CDH17: variants seen among roughly 807,000 people sequenced by gnomAD.
The protein encoded by CDH17 is cadherin 17, also known as cadherin-17.
A neutral mutation model predicts 86.3 loss-of-function variants in CDH17; 67 were observed. That is an observed-to-expected ratio of 0.78 (90% CI 0.64 to 0.95). The LOEUF (loss-of-function observed/expected upper bound fraction) is 0.95. Among genes scored for constraint, CDH17 ranks in the 40% least tolerant of loss-of-function variants. The probability of loss-of-function intolerance (pLI) is 0.00; values close to 1 mark genes in which losing one functional copy is unlikely to be tolerated. For missense variants in CDH17, 993 were observed against 1,017.6 expected (o/e 0.98, Z 0.33); for synonymous variants, 367 against 366.4 (o/e 1.00, Z -0.02).
At chr8:94,168,463 G>A (rs2130632885) in intron 9 of CDH17, among the ~76,000 whole-genome samples, 1 of 151,614 alleles carries the variant, frequency 6.6e-6, no homozygotes, top group Middle Eastern at 3.4e-3. Context: ...TTTTATCAAG[G>A]TTTTATTTGT....
chr8:94,137,318 C>G (rs569730697), intron 15 of CDH17, among the ~76,000 whole-genome samples: 2 of 152,106 alleles, frequency 1.3e-5, no homozygotes, highest in African/African-American at 4.8e-5. Flanking sequence ...GCTTCCCAGC[C>G]GCTTTACCTA....
At chr8:94,169,782 A>G (rs892578877) in intron 9 of CDH17, among the ~76,000 whole-genome samples, 6 of 152,238 alleles carry the variant, frequency 3.9e-5, no homozygotes, top group African/African-American at 1.4e-4. Context: ...AGTTGTTCCT[A>G]TACAAAAACT....
intron 2 of CDH17, among the ~76,000 whole-genome samples, chr8:94,194,309 C>G (rs892775670): frequency 3.0e-4 from 45 of 152,198 alleles, no homozygotes; most frequent in Admixed American, 1.7e-3. Flanking sequence ...TTAAGGGACA[C>G]AGACTAATTC....
At chr8:94,199,711 C>T (rs1010810371) in intron 1 of CDH17, among the ~76,000 whole-genome samples, 5 of 152,124 alleles carry the variant, frequency 3.3e-5, no homozygotes, top group African/African-American at 4.8e-5. Context: ...CATTGCCACA[C>T]GTAGGGTGCC....
At chr8:94,182,420 A>G (rs1454239973) in intron 3 of CDH17, among the ~76,000 whole-genome samples, 1 of 152,172 alleles carries the variant, frequency 6.6e-6, no homozygotes, top group African/African-American at 2.4e-5. Flanking sequence ...AGTATTATAT[A>G]CCATTACCAA....
chr8:94,204,191 T>C (rs1425330636), intron 1 of CDH17, among the ~76,000 whole-genome samples: 1 of 152,076 alleles, frequency 6.6e-6, no homozygotes, highest in Non-Finnish European at 1.5e-5. Flanking sequence ...AACATGCAGG[T>C]TTGTTATATA....
chr8:94,173,392 C>T (rs926497179), intron 7 of CDH17, among the ~76,000 whole-genome samples: 4 of 152,144 alleles, frequency 2.6e-5, no homozygotes, highest in African/African-American at 9.7e-5. Context: ...TCCCACCTAA[C>T]TCTCTTGCTC....
chr8:94,200,532 CTTTTGTTTTTTTTTTTTTTTTTTTTTT>C (rs1813887541), intron 1 of CDH17, among the ~76,000 whole-genome samples: 3 of 50,234 alleles, frequency 6.0e-5, no homozygotes, highest in Non-Finnish European at 7.8e-5. Context: ...TTATTATTAT[CTTTTGTTTTTTTTTTTTTTTTTTTTTT>C]TTTTTTTTTA....
At chr8:94,155,680 T>C (rs1333123191) in intron 12 of CDH17, among the ~76,000 whole-genome samples, 3 of 152,150 alleles carry the variant, frequency 2.0e-5, no homozygotes, top group Non-Finnish European at 4.4e-5. Context: ...TACGGCGAGC[T>C]GAGGAGTTGG....
intron 9 of CDH17, 143 bp downstream of exon 9, chr8:94,170,254 G>A (rs990629777): frequency 1.4e-5 from 11 of 798,626 alleles, no homozygotes; most frequent in African/African-American, 5.2e-5. Flanking sequence ...CGGTCCTTAC[G>A]TGACTCCCAA....
At chr8:94,164,660 T>G (rs983483980) in intron 10 of CDH17, among the ~76,000 whole-genome samples, 2 of 152,184 alleles carry the variant, frequency 1.3e-5, no homozygotes, top group Admixed American at 6.5e-5. Flanking sequence ...TGAAGCACAG[T>G]GTGAAACGTT....
intron 13 of CDH17, among the ~76,000 whole-genome samples, chr8:94,150,340 G>T (rs1045911802): frequency 6.6e-6 from 1 of 152,180 alleles, no homozygotes; most frequent in Admixed American, 6.5e-5. Context: ...AACAGACATG[G>T]TGGTGCCTTG....
intron 15 of CDH17, among the ~76,000 whole-genome samples, chr8:94,141,545 A>G (rs1812638531): frequency 6.6e-6 from 1 of 152,184 alleles, no homozygotes; most frequent in Non-Finnish European, 1.5e-5. Flanking sequence ...TAGAAAATCT[A>G]TGAAATCTAA....
At position 94,144,059 on chromosome 8, in the gene CDH17, G is replaced by A. The variant is rs979193241; in HGVS notation, c.2167+1869C>T. Among the ~76,000 whole-genome samples the A allele has an allele frequency of 5.9e-5, 9 of 152,218 alleles. No individual in the cohort carries two copies. The East Asian group carries it at 7.7e-4, about 13-fold the overall frequency. On this transcript the variant is annotated intron_variant, in intron 15 of 17. Coordinates refer to ENST00000027335, the MANE Select transcript of CDH17 (RefSeq NM_004063.4). Reference sequence around the variant, plus strand: ...TAACATCCTCACTAAGCTAAATCACGTCTAACTTTTGATTTAAAGTGAGAG... The same window carrying A: ...TAACATCCTCACTAAGCTAAATCACATCTAACTTTTGATTTAAAGTGAGAG...
chr8:94,165,620 T>C (rs1813136887), intron 10 of CDH17, 141 bp downstream of exon 10: 2 of 669,410 alleles, frequency 3.0e-6, no homozygotes, highest in Non-Finnish European at 5.4e-6. Context: ...GCTATCTCTG[T>C]GTTATGTGTG....
intron 8 of CDH17, 120 bp from the exon 9 acceptor site, chr8:94,170,667 G>C: frequency 7.3e-7 from 1 of 1,376,148 alleles, no homozygotes; most frequent in Non-Finnish European, 9.8e-7. Flanking sequence ...ACTTAGAATT[G>C]GAAAATTTTA....
chr8:94,146,076 G>A lies in CDH17; in HGVS notation c.2019C>T (p.Gly673=). 1.2e-6 allele frequency: 2 copies of A among 1,613,720 alleles called. No individual in the cohort carries two copies. Among genetic ancestry groups the A allele is most frequent in the Non-Finnish European group, 1.7e-6 (2 of 1,179,844 alleles). ...CACTGAGGGGATGGCAGAAGAACAA[G>A]CCCGTGTAGTCCTTGGCTAGCCTGG... The part of the protein sequence containing the change: ...NPPRLAKDYT[G]LFFCHPLSAP... Residue 673 remains glycine (G), a synonymous_variant, in exon 15 of 18, where the codon GGC becomes GGT. Coordinates refer to ENST00000027335, the MANE Select transcript of CDH17 (RefSeq NM_004063.4).
intron 1 of CDH17, among the ~76,000 whole-genome samples, chr8:94,200,287 C>G (rs77051941): frequency 0.019 from 2,827 of 152,206 alleles, 66 homozygotes; most frequent in African/African-American, 0.052. Context: ...CCGAAACCAC[C>G]AAGCCAGACA....
At chr8:94,165,508 C>T (rs2130626588) in intron 10 of CDH17, among the ~76,000 whole-genome samples, 1 of 152,264 alleles carries the variant, frequency 6.6e-6, no homozygotes, top group Middle Eastern at 3.4e-3. Flanking sequence ...CAATAAAATC[C>T]TCGTACATTT....
Sources: gnomAD v4.1 joint callset for allele counts (sites outside exome capture counted in the v4.1 genomes callset) on GRCh38, gnomAD v4.1.1 for gene constraint, MANE v1.5 for transcripts, NCBI Gene and HGNC (gene_info 2026-07-23, HGNC 2026-07-21) for gene names.